Variants in UQCC1 observed in about 807,000 individuals in gnomAD.
The protein encoded by UQCC1 is ubiquinol-cytochrome c reductase complex assembly factor 1.
A neutral mutation model predicts 48.0 loss-of-function variants in UQCC1; 38 were observed. The ratio of observed to expected loss-of-function variants is 0.79; its 90% CI spans 0.61 to 1.04. UQCC1 has a LOEUF of 1.04. Ranked by LOEUF, UQCC1 falls within the 50% of genes least tolerant of loss-of-function variation. UQCC1 has a pLI of 0.00. For missense variants in UQCC1, 368 were observed against 381.8 expected, an observed-to-expected ratio of 0.96 and a Z score of 0.30; for synonymous variants, 111 against 129.2, an observed-to-expected ratio of 0.86 and a Z score of 0.95.
At chr20:35,356,460 T>A (rs949680721) in intron 6 of UQCC1, among the ~76,000 whole-genome samples, 1 of 152,080 alleles carries the variant, frequency 6.6e-6, no homozygotes, top group African/African-American at 2.4e-5. Context: ...AAAAAAAAAC[T>A]TAAATAGCAA....
intron 1 of UQCC1, among the ~76,000 whole-genome samples, chr20:35,400,946 G>A (rs1020665154): frequency 3.3e-5 from 5 of 152,134 alleles, no homozygotes; most frequent in Non-Finnish European, 7.3e-5. Flanking sequence ...GCCTGTTTCT[G>A]CATGTGGTTT....
In UQCC1 at chr20:35,381,969, TGTGAAAG is replaced by T. The variant is rs749275863; in HGVS notation, c.275_281del (p.Ala92GlufsTer3). 2 of 1,613,412 alleles carry T rather than the reference TGTGAAAG, an allele frequency of 1.2e-6. No individual in the cohort carries two copies. Among genetic ancestry groups the T allele is most frequent in the Non-Finnish European group, 1.7e-6 (2 of 1,179,670 alleles). ...TGAATCCCATGGCTTCTATTATCTT[TGTGAAAG>T]CACCAACCTTCTCCTCAACAGGCTG... On this transcript the variant is annotated frameshift_variant, in exon 4 of 10. Coordinates refer to ENST00000374385, the MANE Select transcript of UQCC1 (RefSeq NM_018244.5). LOFTEE classifies it high-confidence loss of function.
chr20:35,325,240 A>G lies in UQCC1; in HGVS notation c.574-10475T>C, dbSNP rs58693670. 4.0e-4 allele frequency among the ~76,000 whole-genome samples: 61 copies of G among 152,368 alleles called. No individual in the cohort carries two copies. The East Asian group carries it at 0.012, about 29-fold the overall frequency. ...TGGGCACAGAGTTTTTGTTGGGGAT[A>G]ATGAAAATGTTTTGGGTATAGATAA... On this transcript the variant is annotated intron_variant, in intron 7 of 9. Transcript: ENST00000374385.
intron 1 of UQCC1, chr20:35,409,216 C>G (rs1490521125): frequency 6.6e-6 from 1 of 152,670 alleles, no homozygotes; most frequent in Non-Finnish European, 1.5e-5. Flanking sequence ...TGCCTGTAAT[C>G]CCAGCACTTT....
chr20:35,323,143 G>T (rs559787635), intron 7 of UQCC1, among the ~76,000 whole-genome samples: 1 of 152,150 alleles, frequency 6.6e-6, no homozygotes, highest in African/African-American at 2.4e-5. Context: ...CACCGCGCCC[G>T]GCCCCAATCT....
chr20:35,357,150 C>A (rs1354925824), intron 6 of UQCC1, among the ~76,000 whole-genome samples: 1 of 151,672 alleles, frequency 6.6e-6, no homozygotes, highest in East Asian at 1.9e-4. Flanking sequence ...TTTGAGAGGT[C>A]GAGGCAGGCA....
At chr20:35,363,045 A>G (rs554633391) in intron 6 of UQCC1, among the ~76,000 whole-genome samples, 547 of 151,328 alleles carry the variant, frequency 3.6e-3, no homozygotes, top group Middle Eastern at 0.01. Flanking sequence ...AAAAAAAAAA[A>G]AAAGAAAGAA....
chr20:35,338,787 G>A (rs1033737056), intron 7 of UQCC1, among the ~76,000 whole-genome samples: 1 of 138,878 alleles, frequency 7.2e-6, no homozygotes, highest in African/African-American at 2.7e-5. Context: ...GGAGGTTGCA[G>A]TGAGCTGAGA....
rs74173950 is a variant in UQCC1 at position 35,404,369 on chromosome 20, CA to C, written c.24+7570del. Among the ~76,000 whole-genome samples the C allele has an allele frequency of 2.0e-3, 246 of 124,024 alleles. 5 individuals are homozygous for C. Among genetic ancestry groups the C allele is most frequent in the African/African-American group, 5.9e-3 (193 of 32,516 alleles). 81.4% of individuals were successfully genotyped at this position (124,024 alleles called of 152,430 possible). The stretch of plus-strand genomic sequence containing the variant: ...TGGGTGACAGAGCGAGACTCCGTCT[CA>C]AAAAAAAAAAAAAAACAAAATTAGC... On this transcript the variant is annotated intron_variant, in intron 1 of 9. Transcript: ENST00000374385.
intron 5 of UQCC1, among the ~76,000 whole-genome samples, chr20:35,367,880 T>C (rs2061687423): frequency 6.6e-6 from 1 of 152,076 alleles, no homozygotes; most frequent in Non-Finnish European, 1.5e-5. Flanking sequence ...CCCCCAGAAA[T>C]GACAAAACTG....
At chr20:35,310,174 G>A (rs1185331989) in intron 8 of UQCC1, among the ~76,000 whole-genome samples, 6 of 152,230 alleles carry the variant, frequency 3.9e-5, no homozygotes, top group African/African-American at 1.4e-4. Context: ...GTGGGAAAGA[G>A]CCAGACCGTG....
intron 8 of UQCC1, among the ~76,000 whole-genome samples, chr20:35,313,077 AT>A (rs1465471455): frequency 2.0e-5 from 3 of 152,098 alleles, no homozygotes; most frequent in Non-Finnish European, 4.4e-5. Flanking sequence ...ATATTTTACA[AT>A]TTTTTTAAAA....
At chr20:35,309,775 G>A (rs935776735) in intron 8 of UQCC1, among the ~76,000 whole-genome samples, 3 of 152,212 alleles carry the variant, frequency 2.0e-5, no homozygotes, top group African/African-American at 7.2e-5. Flanking sequence ...TAAAGTGGCA[G>A]AGTTCCACTC....
intron 1 of UQCC1, chr20:35,410,148 G>C (rs954509805): frequency 6.6e-6 from 1 of 152,284 alleles, no homozygotes; most frequent in Non-Finnish European, 1.5e-5. Flanking sequence ...CTGTAAAATA[G>C]AGGAAATAAC....
chr20:35,336,054 G>A (rs985430100), intron 7 of UQCC1, among the ~76,000 whole-genome samples: 1 of 152,188 alleles, frequency 6.6e-6, no homozygotes, highest in Non-Finnish European at 1.5e-5. Context: ...GGACTGAAAG[G>A]TTCAATGCTA....
At chr20:35,351,067 A>C (rs548802764) in intron 6 of UQCC1, among the ~76,000 whole-genome samples, 2 of 151,654 alleles carry the variant, frequency 1.3e-5, no homozygotes, top group Admixed American at 1.3e-4. Flanking sequence ...AAAAACCTGT[A>C]ACCTCTGACC....
chr20:35,309,531 CT>C (rs2060967491), intron 8 of UQCC1, among the ~76,000 whole-genome samples: 1 of 152,114 alleles, frequency 6.6e-6, no homozygotes. Context: ...AAATGAGAGA[CT>C]AATCTGAGGG....
chr20:35,357,671 CAAAA>C (rs386365644), intron 6 of UQCC1, among the ~76,000 whole-genome samples: 2 of 103,408 alleles, frequency 1.9e-5, no homozygotes, highest in African/African-American at 4.1e-5. Flanking sequence ...GACCTTGTCT[CAAAA>C]AAAAAAAAAA....
At chr20:35,381,534 A>G (rs1213334366) in intron 4 of UQCC1, among the ~76,000 whole-genome samples, 1 of 152,210 alleles carries the variant, frequency 6.6e-6, no homozygotes, top group African/African-American at 2.4e-5. Flanking sequence ...GGGCAAAGAT[A>G]TTTTGAAGAA....
Sources: gnomAD v4.1 joint callset for allele counts (sites outside exome capture counted in the v4.1 genomes callset) on GRCh38, gnomAD v4.1.1 for gene constraint, MANE v1.5 for transcripts, NCBI Gene and HGNC (gene_info 2026-07-23, HGNC 2026-07-21) for gene names.